Variants in MDFIC observed in about 807,000 individuals in gnomAD.
MDFIC encodes myoD family inhibitor domain-containing protein.
MDFIC carries 17 observed loss-of-function variants against 23.2 expected under a neutral mutation model. That is an observed-to-expected ratio of 0.73 (90% confidence interval 0.50 to 1.10). The LOEUF is 1.10. Among genes scored for constraint, MDFIC ranks in the 50% least tolerant of loss-of-function variants. The pLI is 0.00. For synonymous variants in MDFIC, 120 were observed against 115.2 expected, an observed-to-expected ratio of 1.04 and a Z score of -0.27; for missense variants, 356 against 316.6, an observed-to-expected ratio of 1.12 and a Z score of -0.95.
intron 4 of MDFIC, among the ~76,000 whole-genome samples, chr7:114,998,230 G>GTA: frequency 6.6e-6 from 1 of 152,222 alleles, no homozygotes; most frequent in South Asian, 2.1e-4. Flanking sequence ...TTTATAAAGG[G>GTA]TATACATAGC....
chr7:114,965,825 G>A (rs1285217379), intron 3 of MDFIC, among the ~76,000 whole-genome samples: 1 of 152,090 alleles, frequency 6.6e-6, no homozygotes, highest in Non-Finnish European at 1.5e-5. Flanking sequence ...TCCCTACTTT[G>A]TTATTTCATT....
intron 2 of MDFIC, among the ~76,000 whole-genome samples, chr7:114,935,331 A>G (rs1411009994): frequency 6.6e-6 from 1 of 152,086 alleles, no homozygotes; most frequent in Non-Finnish European, 1.5e-5. Flanking sequence ...ATTGAAGTGT[A>G]TGAGAGCTAA....
At chr7:114,958,399 G>T (rs1387378743) in intron 3 of MDFIC, among the ~76,000 whole-genome samples, 2 of 152,166 alleles carry the variant, frequency 1.3e-5, no homozygotes, top group Admixed American at 6.5e-5. Context: ...GCATAATTTT[G>T]TGAAGTCTTT....
chr7:114,926,997 A>G (rs888029833), intron 2 of MDFIC, among the ~76,000 whole-genome samples: 19 of 152,164 alleles, frequency 1.2e-4, no homozygotes, highest in African/African-American at 4.6e-4. Context: ...ATCTACAGGC[A>G]TGTTTGGTGG....
intron 4 of MDFIC, among the ~76,000 whole-genome samples, chr7:115,007,805 C>G (rs979419382): frequency 4.0e-5 from 6 of 148,738 alleles, no homozygotes; most frequent in Admixed American, 2.0e-4. Flanking sequence ...ACCCCCACCC[C>G]CCGACCCCCT....
chr7:114,979,521 TG>T lies in MDFIC; in HGVS notation c.234del (p.Leu78PhefsTer16). The T allele has an allele frequency of 6.2e-7, 1 of 1,611,488 alleles. No homozygotes were observed. Reference sequence around the variant, plus strand: ...TTTAATTTAGCCCAACCTCAGCGCTTGCCTCAGCTTCAGACTTCAGCCCAGG... The same window carrying T: ...TTTAATTTAGCCCAACCTCAGCGCTTCCTCAGCTTCAGACTTCAGCCCAGG... Reference protein sequence around the residue: ...GELIRTQPQRLPQLQTSAQVP... With the variant: ...GELIRTQPQRXPQLQTSAQVP... On this transcript the variant is annotated frameshift_variant, in exon 4 of 5. Coordinates refer to ENST00000393486, the MANE Select transcript of MDFIC (RefSeq NM_001166345.3). LOFTEE classifies it high-confidence loss of function.
intron 4 of MDFIC, among the ~76,000 whole-genome samples, chr7:115,004,225 C>A (rs1421536051): frequency 6.6e-6 from 1 of 152,142 alleles, no homozygotes; most frequent in African/African-American, 2.4e-5. Flanking sequence ...CAAATGTTCA[C>A]CTTATGAGAT....
chr7:114,990,536 T>G lies in MDFIC; in HGVS notation c.493+10755T>G, dbSNP rs149029140. Among the ~76,000 whole-genome samples the G allele has an allele frequency of 4.4e-4, 67 of 152,282 alleles. No homozygotes were observed. In the East Asian group the frequency reaches 7.3e-3, roughly 17 times the overall value. ...ACGACAGGCCCCAGTGTGTGATGTT[T>G]CCCTTCCTGTGTCCAAGTGTTCTCA... On this transcript the variant is annotated intron_variant, in intron 4 of 4. Transcript: ENST00000393486.
intron 4 of MDFIC, among the ~76,000 whole-genome samples, chr7:114,996,037 T>C (rs1791320118): frequency 6.6e-6 from 1 of 152,222 alleles, no homozygotes; most frequent in African/African-American, 2.4e-5. Flanking sequence ...CTCTAAGAAC[T>C]GACCAGATAA....
intron 4 of MDFIC, among the ~76,000 whole-genome samples, chr7:114,995,776 A>G (rs891424903): frequency 5.3e-5 from 8 of 152,166 alleles, no homozygotes; most frequent in African/African-American, 1.9e-4. Context: ...CCTCCCAGTT[A>G]GGCTACTTGG....
rs187658184 is a variant in MDFIC at position 114,932,173 on chromosome 7, G to A, written c.94+9046G>A. Among the ~76,000 whole-genome samples the A allele has an allele frequency of 2.6e-4, 39 of 152,252 alleles. No homozygotes were observed. The East Asian group carries it at 5.4e-3, about 21-fold the overall frequency. On this transcript the variant is annotated intron_variant, in intron 2 of 4. Transcript: ENST00000393486. ...ATATAAAATATTCTAAAATATCTAT[G>A]TTCAAATAACTCTATCAGTTTTTCA... is the stretch of plus-strand genomic sequence containing the variant.
rs1793491989 is a variant in MDFIC at position 114,985,314 on chromosome 7, T to C, written c.493+5533T>C. 2.6e-5 allele frequency among the ~76,000 whole-genome samples: 4 copies of C among 152,154 alleles called. No individual in the cohort carries two copies. In the South Asian group the frequency reaches 8.3e-4, roughly 32 times the overall value. ...TATGTGTTAGCTGCTGTTATGATCA[T>C]TAGTATTAAGGTTCATAGAGGGGTC... is the stretch of plus-strand genomic sequence containing the variant. On this transcript the variant is annotated intron_variant, in intron 4 of 4. Transcript: ENST00000393486.
Position 114,998,026 on chromosome 7 carries a change from C to T in MDFIC, c.494-17662C>T, listed in dbSNP as rs141068331. On this transcript the variant is annotated intron_variant, in intron 4 of 4. Coordinates refer to ENST00000393486, the MANE Select transcript of MDFIC (RefSeq NM_001166345.3). ...TAAGAAAATATTTTATCATTTGGGA[C>T]GATGAAAAATACACTAAAAGTTTCC... is the stretch of plus-strand genomic sequence containing the variant. Among the ~76,000 whole-genome samples the T allele has an allele frequency of 3.3e-3, 509 of 152,030 alleles. 3 individuals carry two copies. The highest frequency in any genetic ancestry group is 9.9e-3 in the African/African-American group (409 of 41,496).
chr7:114,990,447 C>T (rs1266473016), intron 4 of MDFIC, among the ~76,000 whole-genome samples: 1 of 152,046 alleles, frequency 6.6e-6, no homozygotes, highest in Admixed American at 6.6e-5. Context: ...GTGTGCTGCA[C>T]CCATTAACTC....
At position 114,942,443 on chromosome 7, in the gene MDFIC, A is replaced by C. The variant is rs753521015; in HGVS notation, c.217+46A>C. On this transcript the variant is annotated intron_variant, in intron 3 of 4. Transcript: ENST00000393486. Reference sequence around the variant, plus strand: ...CTTTGAGTGATTTTGGGATATGACTATGGTAATATATTCTTCGTTAATTGC... The same window carrying C: ...CTTTGAGTGATTTTGGGATATGACTCTGGTAATATATTCTTCGTTAATTGC... 5.7e-6 allele frequency: 8 copies of C among 1,411,478 alleles called. No homozygotes were observed. The Admixed American group carries it at 1.4e-4, about 25-fold the overall frequency. 87.4% of individuals were successfully genotyped at this position (1,411,478 alleles called of 1,614,324 possible).
At chr7:114,943,806 G>T (rs771806544) in intron 3 of MDFIC, among the ~76,000 whole-genome samples, 2 of 151,982 alleles carry the variant, frequency 1.3e-5, no homozygotes, top group Non-Finnish European at 2.9e-5. Flanking sequence ...AAGCAAAATG[G>T]TTTTCTCACT....
intron 4 of MDFIC, among the ~76,000 whole-genome samples, chr7:115,000,576 T>C (rs1791443370): frequency 6.6e-6 from 1 of 152,226 alleles, no homozygotes; most frequent in Non-Finnish European, 1.5e-5. Context: ...TTTGCATTTC[T>C]GTATGTAATT....
At chr7:114,975,294 A>G (rs1793289308) in intron 3 of MDFIC, among the ~76,000 whole-genome samples, 1 of 152,138 alleles carries the variant, frequency 6.6e-6, no homozygotes, top group Admixed American at 6.6e-5. Flanking sequence ...AATAATTCAA[A>G]ACAACTCATA....
At chr7:114,971,695 C>T (rs1183059730) in intron 3 of MDFIC, among the ~76,000 whole-genome samples, 1 of 152,004 alleles carries the variant, frequency 6.6e-6, no homozygotes, top group Non-Finnish European at 1.5e-5. Flanking sequence ...GGATAATAAG[C>T]ATTAGAGAAA....
Sources: gnomAD v4.1 joint callset for allele counts (sites outside exome capture counted in the v4.1 genomes callset) on GRCh38, gnomAD v4.1.1 for gene constraint, MANE v1.5 for transcripts, NCBI Gene and HGNC (gene_info 2026-07-23, HGNC 2026-07-21) for gene names.